The following ANKS4B variants were observed in gnomAD, a reference collection of about 807,000 sequenced individuals.
The protein encoded by ANKS4B is ankyrin repeat and SAM domain-containing protein 4B.
Under a neutral mutation model 20.2 loss-of-function variants are expected in ANKS4B, and 21 were observed. The observed-to-expected ratio is 1.04, with a 90% CI of 0.74 to 1.50. ANKS4B has a LOEUF of 1.50. ANKS4B is among the 40% of genes most tolerant of loss of function. ANKS4B has a pLI of 0.00. For missense variants in ANKS4B, 473 were observed against 494.6 expected, an observed-to-expected ratio of 0.96 and a Z score of 0.41; for synonymous variants, 179 against 194.5, an observed-to-expected ratio of 0.92 and a Z score of 0.66.
At chr16:21,239,090 T>C (rs1272701854) in intron 1 of ANKS4B, 1 of 152,198 alleles carries the variant, frequency 6.6e-6, no homozygotes, top group Non-Finnish European at 1.5e-5. Flanking sequence ...GAATGGCTAT[T>C]ATAACATCAA....
rs2093340499 is a variant in ANKS4B at position 21,252,255 on chromosome 16, G to C, written c.*1435G>C. 6.6e-6 allele frequency: 1 copy of C among 152,344 alleles called. No homozygotes were observed. Among genetic ancestry groups the C allele is most frequent in the Admixed American group, 6.5e-5 (1 of 15,278 alleles). The allele number at this position is 152,344 out of a possible 1,614,324, so 9.4% of individuals were successfully genotyped here. A position where few individuals can be genotyped will look rare whatever the true frequency, so the allele number is the denominator to read the frequency against. On this transcript the variant is annotated 3_prime_UTR_variant, in exon 2 of 2. Transcript: ENST00000311620. ...GCCTAGGACTGGTGTCCTAAGAAGA[G>C]GAAGAGACACTTAGGTGGAAGGCAC...
intron 1 of ANKS4B, among the ~76,000 whole-genome samples, chr16:21,248,376 C>G (rs529498444): frequency 6.8e-6 from 1 of 147,206 alleles, no homozygotes; most frequent in Non-Finnish European, 1.5e-5. Flanking sequence ...AGGCTGTAGA[C>G]AGTGGTGCAA....
intron 1 of ANKS4B, among the ~76,000 whole-genome samples, chr16:21,240,135 T>G (rs2093324642): frequency 6.6e-6 from 1 of 152,168 alleles, no homozygotes; most frequent in African/African-American, 2.4e-5. Context: ...TTTTCCTTTG[T>G]TTTTAAAATT....
At chr16:21,248,448 G>C (rs2093334982) in intron 1 of ANKS4B, among the ~76,000 whole-genome samples, 2 of 151,814 alleles carry the variant, frequency 1.3e-5, no homozygotes, top group Admixed American at 6.6e-5. Flanking sequence ...TAAAATTACA[G>C]GCTGGGCGTG....
Position 21,250,167 on chromosome 16 carries a change from A to G in ANKS4B, c.601A>G (p.Ile201Val). The G allele has an allele frequency of 6.2e-7, 1 of 1,614,210 alleles. No individual in the cohort carries two copies. Among genetic ancestry groups the G allele is most frequent in the Non-Finnish European group, 8.5e-7 (1 of 1,180,018 alleles). The stretch of plus-strand genomic sequence containing the variant: ...CACATTCGGGTCACTATCTAAGGGC[A>G]TTAAAGACACTTTCAAGATCAAGTT... ...PGTFGSLSKG[I>V]KDTFKIKFKK... The change falls in exon 2 of 2, where the codon ATT becomes GTT. Residue 201 changes from isoleucine to valine, a missense_variant. By Grantham distance (29) the Ile-to-Val change is conservative (BLOSUM62 3). Coordinates refer to ENST00000311620, the MANE Select transcript of ANKS4B (RefSeq NM_145865.3).
intron 1 of ANKS4B, among the ~76,000 whole-genome samples, chr16:21,248,380 GGT>G (rs1045212199): frequency 1.4e-4 from 21 of 150,574 alleles, no homozygotes; most frequent in Admixed American, 8.6e-4. Context: ...TGTAGACAGT[GGT>G]GCAATCATAG....
At position 21,251,245 on chromosome 16, in the gene ANKS4B, CA is replaced by C; in HGVS notation, c.*426del. ...TCAGCCTCCCAAGTAGCTGAGACTACAGGTTCACACCCCCCACACCTGGCTT... is the reference window on the plus strand; with the variant it reads ...TCAGCCTCCCAAGTAGCTGAGACTACGGTTCACACCCCCCACACCTGGCTT... On this transcript the variant is annotated 3_prime_UTR_variant, in exon 2 of 2. Transcript: ENST00000311620. 1.8e-5 allele frequency: 3 copies of C among 162,770 alleles called. No individual in the cohort carries two copies. The highest frequency in any genetic ancestry group is 5.7e-5 in the Admixed American group (1 of 17,638). 10.1% of individuals were successfully genotyped at this position (162,770 alleles called of 1,614,324 possible).
At chr16:21,238,478 TAA>T (rs1371857643) in intron 1 of ANKS4B, among the ~76,000 whole-genome samples, 1 of 3,236 alleles carries the variant, frequency 3.1e-4, no homozygotes, top group Non-Finnish European at 5.4e-4. Context: ...AATGTAAACA[TAA>T]ATATATATAT....
chr16:21,250,628 T>G lies in ANKS4B; in HGVS notation c.1062T>G (p.Ser354=). The change falls in exon 2 of 2, where the codon TCT becomes TCG. Residue 354 remains serine, a synonymous_variant. Transcript: ENST00000311620. ...CGCCCCTGGAAGTGTTCTTGCTGTC[T>G]CAGCACCTGGAAGAATTCCTGCCTA... ...DATPLEVFLL[S]QHLEEFLPIF... is the part of the protein sequence containing the mutation. 1.9e-6 allele frequency: 3 copies of G among 1,614,070 alleles called. No individual in the cohort carries two copies. Among genetic ancestry groups the G allele is most frequent in the Non-Finnish European group, 2.5e-6 (3 of 1,179,904 alleles).
chr16:21,241,376 A>C (rs941685221), intron 1 of ANKS4B, among the ~76,000 whole-genome samples: 2 of 152,036 alleles, frequency 1.3e-5, no homozygotes, highest in Admixed American at 6.6e-5. Context: ...AATGCATGCC[A>C]CTATCTTTAA....
rs139425943 is a variant in ANKS4B at position 21,240,613 on chromosome 16, A to G, written c.164+6712A>G. ...CCTACAGTTATCAACATTTGGGTAC[A>G]TATCCTTCCAGACTTTTTCCTTTGA... On this transcript the variant is annotated intron_variant, in intron 1 of 1. Transcript: ENST00000311620. Among the ~76,000 whole-genome samples the G allele has an allele frequency of 5.6e-3, 846 of 152,284 alleles. 36 individuals are homozygous for G. In the East Asian group the frequency reaches 0.085, roughly 15 times the overall value.
At chr16:21,236,123 T>C (rs934339717) in intron 1 of ANKS4B, among the ~76,000 whole-genome samples, 1 of 152,164 alleles carries the variant, frequency 6.6e-6, no homozygotes, top group Non-Finnish European at 1.5e-5. Flanking sequence ...CTTCTGCTTT[T>C]GGGGAGCCTT....
chr16:21,234,234 GA>G, intron 1 of ANKS4B, among the ~76,000 whole-genome samples: 1 of 152,066 alleles, frequency 6.6e-6, no homozygotes, highest in South Asian at 2.1e-4. Context: ...TCTTTTCAAA[GA>G]GGCCATTGTT....
chr16:21,250,910 A>C lies in ANKS4B; in HGVS notation c.*90A>C. The stretch of plus-strand genomic sequence containing the variant: ...CCCCCTCTTTACCCAATGCCAGACC[A>C]CTGGGAATGGATTCTAGGGCATCGG... On this transcript the variant is annotated 3_prime_UTR_variant, in exon 2 of 2. Coordinates refer to ENST00000311620, the MANE Select transcript of ANKS4B (RefSeq NM_145865.3). 6.7e-7 allele frequency: 1 copy of C among 1,487,048 alleles called. No individual in the cohort carries two copies. Among genetic ancestry groups the C allele is most frequent in the Non-Finnish European group, 9.0e-7 (1 of 1,111,890 alleles). The allele number at this position is 1,487,048 out of a possible 1,614,324, so 92.1% of individuals were successfully genotyped here. A position where few individuals can be genotyped will look rare whatever the true frequency, so the allele number is the denominator to read the frequency against.
intron 1 of ANKS4B, among the ~76,000 whole-genome samples, chr16:21,246,352 G>C (rs142334122): frequency 0.021 from 3,131 of 152,292 alleles, 106 homozygotes; most frequent in African/African-American, 0.071. Flanking sequence ...AAATAAGGAA[G>C]AGGAACAGGC....
intron 1 of ANKS4B, among the ~76,000 whole-genome samples, chr16:21,249,442 A>C (rs1425271673): frequency 6.6e-6 from 1 of 151,956 alleles, no homozygotes; most frequent in African/African-American, 2.4e-5. Context: ...ACACCATTCC[A>C]CTCCAGCCTG....
chr16:21,240,680 A>G (rs1375367684), intron 1 of ANKS4B, among the ~76,000 whole-genome samples: 2 of 152,192 alleles, frequency 1.3e-5, no homozygotes, highest in Non-Finnish European at 2.9e-5. Flanking sequence ...TTAAAAGACA[A>G]TCATATAAAC....
Position 21,250,289 on chromosome 16 carries a change from G to C in ANKS4B, c.723G>C (p.Ser241=), listed in dbSNP as rs749814184. The C allele has an allele frequency of 6.8e-6, 11 of 1,614,094 alleles. No individual in the cohort carries two copies. The African/African-American group carries it at 1.2e-4, about 18-fold the overall frequency. Residue 241 remains serine (S), a synonymous_variant, in exon 2 of 2, where the codon TCG becomes TCC. Transcript: ENST00000311620. ...TGTTCAGAGAGGAAGAGGAAGACTC[G>C]TTCTCAGGGGACTTCAAAGAGAAGC... The part of the protein sequence containing the change: ...MEVFREEEED[S]FSGDFKEKLQ...
chr16:21,249,845 C>A lies in ANKS4B; in HGVS notation c.279C>A (p.Ala93=). Residue 93 remains alanine, a synonymous_variant, in exon 2 of 2, where the codon GCC becomes GCA. Transcript: ENST00000311620. ...TCAACTTTGGTGCCAACATCTTTGC[C>A]CTGGATAATGACTTACAGACTCCAC... ...FLVNFGANIF[A]LDNDLQTPLD... is the part of the protein sequence containing the mutation. The A allele has an allele frequency of 6.2e-7, 1 of 1,614,134 alleles. No individual in the cohort carries two copies. The highest frequency in any genetic ancestry group is 8.5e-7 in the Non-Finnish European group (1 of 1,180,040).
Sources: gnomAD v4.1 joint callset for allele counts (sites outside exome capture counted in the v4.1 genomes callset) on GRCh38, gnomAD v4.1.1 for gene constraint, MANE v1.5 for transcripts, NCBI Gene and HGNC (gene_info 2026-07-23, HGNC 2026-07-21) for gene names.